Variants in ACACB observed in about 807,000 individuals in gnomAD.
ACACB encodes acetyl-CoA carboxylase beta.
Under a neutral mutation model 278.8 loss-of-function variants are expected in ACACB, and 209 were observed. That is an observed-to-expected ratio of 0.75 (90% CI 0.67 to 0.84). The LOEUF (loss-of-function observed/expected upper bound fraction) is 0.84. Ranked by LOEUF, ACACB falls within the 40% of genes least tolerant of loss-of-function variation. The probability of loss-of-function intolerance (pLI) is 0.00; values close to 1 mark genes in which losing one functional copy is unlikely to be tolerated. For synonymous variants in ACACB, 1,174 were observed against 1,285.6 expected, an observed-to-expected ratio of 0.91 and a Z score of 1.86; for missense variants, 2,850 against 3,269.0, an observed-to-expected ratio of 0.87 and a Z score of 3.13.
Position 109,122,428 on chromosome 12 carries a change from G to A in ACACB, c.-10+5724G>A, listed in dbSNP as rs190804771. On this transcript the variant is annotated intron_variant, in intron 1 of 52. Coordinates refer to ENST00000338432, the MANE Select transcript of ACACB (RefSeq NM_001093.4). ...GTCTGTATAAAATATAAAAAGTTTC[G>A]CTGGGCGTGGTGGCACATGCCTGTA... Among the ~76,000 whole-genome samples, 327 of 152,084 alleles carry A rather than the reference G, an allele frequency of 2.2e-3. 1 individual carries two copies. Among genetic ancestry groups the A allele is most frequent in the Non-Finnish European group, 3.4e-3 (234 of 68,010 alleles).
Position 109,253,150 on chromosome 12 carries a change from A to G in ACACB, c.6037A>G (p.Met2013Val). 6.3e-7 allele frequency: 1 copy of G among 1,586,974 alleles called. No homozygotes were observed. Among genetic ancestry groups the G allele is most frequent in the South Asian group, 1.2e-5 (1 of 85,936 alleles). The change falls in exon 43 of 53, where the codon ATG becomes GTG. Residue 2013 changes from methionine (M) to valine (V), a missense_variant. Transcript: ENST00000338432. The stretch of plus-strand genomic sequence containing the variant: ...TACCATCCTGGAGTGGCTGTCCTAT[A>G]TGCCAAAGGTGCAGTACTCCCCCTG... The part of the protein sequence containing the change: ...VYTILEWLSY[M>V]PKDNHSPVPI...
rs746961901 is a variant in ACACB, at chr12:109,242,576, C to T, written c.5162C>T (p.Pro1721Leu). Residue 1721 changes from proline (P) to leucine (L), a missense_variant, in exon 37 of 53, where the codon CCG becomes CTG. Transcript: ENST00000338432. ...TLGTTYIYDF[P>L]EMFRQALFKL... ...GGAACCACCTACATCTATGACTTCC[C>T]GGAAATGTTCAGGCAGGCAAGTCCG... is the stretch of plus-strand genomic sequence containing the variant. The T allele has an allele frequency of 1.5e-5, 24 of 1,613,894 alleles. No individual in the cohort carries two copies. Among genetic ancestry groups the T allele is most frequent in the Middle Eastern group, 1.6e-4 (1 of 6,080 alleles).
intron 19 of ACACB, among the ~76,000 whole-genome samples, chr12:109,205,583 C>A (rs764970705): frequency 2.6e-5 from 4 of 151,852 alleles, no homozygotes; most frequent in Non-Finnish European, 5.9e-5. Flanking sequence ...TGGAGTAGCT[C>A]GGATTACAGG....
chr12:109,200,913 C>T (rs1001254114), intron 18 of ACACB, among the ~76,000 whole-genome samples: 4 of 152,154 alleles, frequency 2.6e-5, no homozygotes, highest in Non-Finnish European at 5.9e-5. Context: ...GAAACTGAGG[C>T]TCAAGGAGGG....
intron 18 of ACACB, 48 bp downstream of exon 18, chr12:109,199,600 C>T: frequency 2.2e-6 from 3 of 1,366,128 alleles, no homozygotes; most frequent in Non-Finnish European, 2.9e-6. Context: ...CAAACTCCCA[C>T]TCTTCTGGCT....
intron 2 of ACACB, among the ~76,000 whole-genome samples, chr12:109,156,088 G>T (rs2043524452): frequency 6.6e-6 from 1 of 152,238 alleles, no homozygotes; most frequent in East Asian, 1.9e-4. Context: ...CGCCAGGCAG[G>T]GTGGTGCAAG....
At chr12:109,254,429 G>A in intron 44 of ACACB, 95 bp downstream of exon 44, 2 of 1,258,974 alleles carry the variant, frequency 1.6e-6, no homozygotes, top group Non-Finnish European at 2.2e-6. Flanking sequence ...TTGAGACAAA[G>A]GCTTGATATT....
intron 13 of ACACB, among the ~76,000 whole-genome samples, chr12:109,191,160 C>A (rs2044861947): frequency 6.6e-6 from 1 of 151,932 alleles, no homozygotes; most frequent in South Asian, 2.1e-4. Flanking sequence ...GGCAGTAAAC[C>A]CTGGCGCTGA....
intron 39 of ACACB, among the ~76,000 whole-genome samples, chr12:109,247,279 A>C (rs2046974145): frequency 6.6e-6 from 1 of 152,120 alleles, no homozygotes; most frequent in African/African-American, 2.4e-5. Flanking sequence ...TTGGGGTGGC[A>C]ATAAAATAGT....
chr12:109,186,237 A>G (rs891342300), intron 12 of ACACB, among the ~76,000 whole-genome samples: 1 of 152,054 alleles, frequency 6.6e-6, no homozygotes, highest in African/African-American at 2.4e-5. Flanking sequence ...GGCTGGATTT[A>G]CTGGATTTTT....
At chr12:109,259,155 C>CCCT (rs1197277435) in intron 47 of ACACB, 47 bp downstream of exon 47, 2 of 1,602,528 alleles carry the variant, frequency 1.2e-6, no homozygotes, top group Admixed American at 3.4e-5. Context: ...GGGGTCAGCA[C>CCCT]CCAGGACAGC....
At chr12:109,180,170 C>A in intron 11 of ACACB, 83 bp downstream of exon 11, 2 of 1,432,050 alleles carry the variant, frequency 1.4e-6, no homozygotes, top group South Asian at 1.3e-5. Flanking sequence ...CCATCCCGCC[C>A]ATCTCTTGGC....
rs1288856489 is a variant in ACACB, at chr12:109,171,917, A to G, written c.1035+3A>G. 3 of 1,612,692 alleles carry G rather than the reference A, an allele frequency of 1.9e-6. No individual in the cohort carries two copies. The highest frequency in any genetic ancestry group is 8.5e-7 in the Non-Finnish European group (1 of 1,178,826). On this transcript the variant is annotated splice_donor_region_variant and intron_variant, in intron 5 of 52. Coordinates refer to ENST00000338432, the MANE Select transcript of ACACB (RefSeq NM_001093.4). ...TTGCCAAGAGAATCCCCGTGCAGGT[A>G]GATGGACTGGGGTGCCCAAGTGTGG... is the stretch of plus-strand genomic sequence containing the variant.
intron 10 of ACACB, 21 bp downstream of exon 10, chr12:109,179,318 G>C (rs2044383622): frequency 1.2e-6 from 2 of 1,607,404 alleles, no homozygotes; most frequent in Admixed American, 1.7e-5. Flanking sequence ...CAGAGCCCAG[G>C]GGGCAGCTTC....
intron 1 of ACACB, among the ~76,000 whole-genome samples, chr12:109,124,945 C>G (rs2042641532): frequency 6.6e-6 from 1 of 152,112 alleles, no homozygotes; most frequent in Non-Finnish European, 1.5e-5. Context: ...CAAACCTGAG[C>G]TCAAACGATA....
At chr12:109,217,345 G>A (rs2046031926) in intron 24 of ACACB, among the ~76,000 whole-genome samples, 1 of 152,098 alleles carries the variant, frequency 6.6e-6, no homozygotes, top group African/African-American at 2.4e-5. Flanking sequence ...AGGTTGGTGT[G>A]GTCTCTGTCG....
At chr12:109,137,530 G>A (rs1023757276) in intron 1 of ACACB, among the ~76,000 whole-genome samples, 3 of 151,906 alleles carry the variant, frequency 2.0e-5, no homozygotes, top group East Asian at 1.9e-4. Flanking sequence ...CATGGTGGGG[G>A]GCACCTGTAA....
At chr12:109,207,637 G>A (rs1016893970) in intron 20 of ACACB, among the ~76,000 whole-genome samples, 4 of 152,222 alleles carry the variant, frequency 2.6e-5, no homozygotes, top group Admixed American at 6.5e-5. Context: ...TGATGGTGAT[G>A]ACGATAATAA....
At chr12:109,233,084 A>G (rs2046522422) in intron 29 of ACACB, among the ~76,000 whole-genome samples, 1 of 152,180 alleles carries the variant, frequency 6.6e-6, no homozygotes, top group South Asian at 2.1e-4. Flanking sequence ...AATTCTGGCT[A>G]TGTGCTTTCT....
Sources: allele counts gnomAD v4.1 joint callset (sites outside exome capture counted in the v4.1 genomes callset), GRCh38; gene constraint gnomAD v4.1.1; transcripts MANE v1.5; gene names NCBI Gene and HGNC (gene_info 2026-07-23, HGNC 2026-07-21).